Variants in LRRIQ3 observed in about 807,000 individuals in gnomAD.
LRRIQ3 encodes the protein leucine-rich repeat and IQ domain-containing protein 3.
In LRRIQ3, 75 loss-of-function variants were observed where a neutral mutation model predicts 59.3. That is an observed-to-expected ratio of 1.26 (90% confidence interval 1.05 to 1.53). The LOEUF (loss-of-function observed/expected upper bound fraction) is 1.53, where lower values mean the gene tolerates loss of function less well. Ranked by LOEUF, LRRIQ3 falls within the 40% of genes most tolerant of loss-of-function variation. The pLI is 0.00. For missense variants in LRRIQ3, 831 were observed against 710.0 expected, an observed-to-expected ratio of 1.17 and a Z score of -1.94; for synonymous variants, 250 against 231.3, an observed-to-expected ratio of 1.08 and a Z score of -0.73.
Position 74,041,291 on chromosome 1 carries a change from T to G in LRRIQ3, c.1640A>C (p.Glu547Ala), listed in dbSNP as rs752723886. 6.2e-7 allele frequency: 1 copy of G among 1,609,906 alleles called. No individual in the cohort carries two copies. The highest frequency in any genetic ancestry group is 2.2e-5 in the East Asian group (1 of 44,820). The change falls in exon 7 of 8, where the codon GAG becomes GCG. Residue 547 changes from glutamate to alanine, a missense_variant. Physicochemically the swap from Glu to Ala is moderately radical, Grantham distance 107. Coordinates refer to ENST00000354431, the MANE Select transcript of LRRIQ3 (RefSeq NM_001105659.2). Reference sequence around the variant, plus strand: ...TTTTTGCTTAACAATCAGGCTTTTCTCTTTTAGGACAGCCTCATTCTTCTC... The same window carrying G: ...TTTTTGCTTAACAATCAGGCTTTTCGCTTTTAGGACAGCCTCATTCTTCTC... Reference protein sequence around the residue: ...RLEKNEAVLKEKSLIVKQKLK... With the variant: ...RLEKNEAVLKAKSLIVKQKLK...
intron 4 of LRRIQ3, among the ~76,000 whole-genome samples, chr1:74,118,904 G>A (rs1466132720): frequency 6.6e-6 from 1 of 152,000 alleles, no homozygotes; most frequent in Non-Finnish European, 1.5e-5. Context: ...CTTGGTCTTT[G>A]TATTTGAGAC....
At chr1:74,094,375 G>T (rs1213252563) in intron 5 of LRRIQ3, among the ~76,000 whole-genome samples, 1 of 152,034 alleles carries the variant, frequency 6.6e-6, no homozygotes, top group Admixed American at 6.6e-5. Flanking sequence ...GTCTTTGTAA[G>T]AGGGAGGCAG....
chr1:74,182,468 A>C (rs1650038771), intron 3 of LRRIQ3, 70 bp downstream of exon 3: 1 of 899,590 alleles, frequency 1.1e-6, no homozygotes, highest in South Asian at 2.9e-5. Context: ...TAATTTAGAT[A>C]TAGAACTCAG....
At chr1:74,054,629 C>A (rs548684737) in intron 6 of LRRIQ3, among the ~76,000 whole-genome samples, 1 of 151,274 alleles carries the variant, frequency 6.6e-6, no homozygotes, top group Non-Finnish European at 1.5e-5. Flanking sequence ...AGAGGTTCTG[C>A]GTATATTGAA....
chr1:74,104,418 G>A (rs6658083), intron 5 of LRRIQ3, among the ~76,000 whole-genome samples: 124,120 of 151,918 alleles, frequency 0.82, 52,623 homozygotes, highest in East Asian at 0.97. Context: ...TAATTGCCAA[G>A]ACTTGGAAGC....
Position 74,108,831 on chromosome 1 carries a change from T to C in LRRIQ3, c.867+563A>G, listed in dbSNP as rs142442938. On this transcript the variant is annotated intron_variant, in intron 5 of 7. Coordinates refer to ENST00000354431, the MANE Select transcript of LRRIQ3 (RefSeq NM_001105659.2). The stretch of plus-strand genomic sequence containing the variant: ...AATTATGTAGCTTTTGGTAAGTTAA[T>C]TAACCTCTATGTCTCTTAGTTTTCA... The C allele has an allele frequency of 1.1e-3, 387 of 341,104 alleles. 5 individuals carry two copies. The highest frequency in any genetic ancestry group is 6.5e-3 in the South Asian group (271 of 41,508). The allele number at this position is 341,104 out of a possible 1,614,324, so 21.1% of individuals were successfully genotyped here. A position where few individuals can be genotyped will look rare whatever the true frequency, so the allele number is the denominator to read the frequency against.
intron 4 of LRRIQ3, among the ~76,000 whole-genome samples, chr1:74,124,140 T>C (rs1646901505): frequency 6.6e-6 from 1 of 151,998 alleles, no homozygotes; most frequent in South Asian, 2.1e-4. Flanking sequence ...TTTTCATATA[T>C]ATGTTTTCCA....
chr1:74,071,083 A>G lies in LRRIQ3; in HGVS notation c.997+3578T>C, dbSNP rs1280956895. ...TTATATATATAACTATACAAATTTT[A>G]TAGTTATATATATATATAGGTTGTT... is the stretch of plus-strand genomic sequence containing the variant. On this transcript the variant is annotated intron_variant, in intron 6 of 7. Coordinates refer to ENST00000354431, the MANE Select transcript of LRRIQ3 (RefSeq NM_001105659.2). Among the ~76,000 whole-genome samples the G allele has an allele frequency of 4.0e-5, 6 of 150,170 alleles. No homozygotes were observed. In the South Asian group the frequency reaches 6.2e-4, roughly 16 times the overall value.
chr1:74,058,911 T>C (rs1289976314), intron 6 of LRRIQ3, among the ~76,000 whole-genome samples: 1 of 152,106 alleles, frequency 6.6e-6, no homozygotes, highest in Admixed American at 6.6e-5. Flanking sequence ...CAGCAATGTA[T>C]GTAAATCCAT....
intron 5 of LRRIQ3, among the ~76,000 whole-genome samples, chr1:74,101,363 C>A (rs1300053755): frequency 6.6e-6 from 1 of 152,142 alleles, no homozygotes; most frequent in Non-Finnish European, 1.5e-5. Context: ...AATGAGATAT[C>A]ATCTCACACC....
At chr1:74,055,060 G>A (rs1654484714) in intron 6 of LRRIQ3, among the ~76,000 whole-genome samples, 2 of 147,340 alleles carry the variant, frequency 1.4e-5, no homozygotes, top group African/African-American at 4.9e-5. Context: ...TACATATTAA[G>A]TGTGTAATCC....
intron 5 of LRRIQ3, among the ~76,000 whole-genome samples, chr1:74,099,968 T>C (rs992829011): frequency 3.3e-5 from 5 of 151,848 alleles, no homozygotes; most frequent in African/African-American, 9.7e-5. Flanking sequence ...TGGGCAAAAA[T>C]TGGAAGCATT....
At chr1:74,161,245 C>T (rs1570236693) in intron 3 of LRRIQ3, among the ~76,000 whole-genome samples, 1 of 151,956 alleles carries the variant, frequency 6.6e-6, no homozygotes, top group East Asian at 1.9e-4. Flanking sequence ...ACCTAATCAC[C>T]TCCAAAAGTC....
At chr1:74,155,672 TATC>T (rs1648275123) in intron 4 of LRRIQ3, 58 bp downstream of exon 4, 5 of 1,439,772 alleles carry the variant, frequency 3.5e-6, no homozygotes, top group South Asian at 2.8e-5. Context: ...ATTGACTTCT[TATC>T]ATTTATTTCT....
intron 3 of LRRIQ3, 82 bp downstream of exon 3, chr1:74,182,456 T>C: frequency 2.7e-6 from 2 of 737,950 alleles, no homozygotes; most frequent in Middle Eastern, 3.8e-4. Flanking sequence ...AAAAAGTTTA[T>C]ATAATTTAGA....
intron 4 of LRRIQ3, among the ~76,000 whole-genome samples, chr1:74,130,523 A>G (rs113593631): frequency 7.2e-5 from 11 of 152,162 alleles, no homozygotes; most frequent in African/African-American, 2.2e-4. Flanking sequence ...TGGCTTTCCT[A>G]CCCTCTTGAG....
At chr1:74,129,594 C>T (rs1570167730) in intron 4 of LRRIQ3, among the ~76,000 whole-genome samples, 1 of 151,938 alleles carries the variant, frequency 6.6e-6, no homozygotes, top group Admixed American at 6.6e-5. Context: ...AAGCTGGTAC[C>T]TAATCTGCAA....
chr1:74,058,945 T>A (rs1443170864), intron 6 of LRRIQ3, among the ~76,000 whole-genome samples: 1 of 152,052 alleles, frequency 6.6e-6, no homozygotes, highest in Non-Finnish European at 1.5e-5. Flanking sequence ...AGTTTCCAAT[T>A]TCTCCTTATC....
chr1:74,043,376 G>T (rs1275799702), intron 6 of LRRIQ3, among the ~76,000 whole-genome samples: 6 of 152,094 alleles, frequency 3.9e-5, no homozygotes, highest in Non-Finnish European at 2.9e-5. Flanking sequence ...GAAGGGCAGG[G>T]CTTGTAGTCT....
Sources: gnomAD v4.1 joint callset for allele counts (sites outside exome capture counted in the v4.1 genomes callset) on GRCh38, gnomAD v4.1.1 for gene constraint, MANE v1.5 for transcripts, NCBI Gene and HGNC (gene_info 2026-07-23, HGNC 2026-07-21) for gene names.